Variants in SOX6 observed in about 807,000 individuals in gnomAD.
SOX6 encodes the protein SRY-box transcription factor 6, also known as transcription factor SOX-6.
A neutral mutation model predicts 97.8 loss-of-function variants in SOX6; 11 were observed. The ratio of observed to expected loss-of-function variants is 0.11; its 90% confidence interval spans 0.07 to 0.19. The LOEUF is 0.19. Among genes scored for constraint, SOX6 ranks in the 10% least tolerant of loss-of-function variants. The pLI, the probability that SOX6 is intolerant of heterozygous loss-of-function variation, is 1.00. For missense variants in SOX6, 810 were observed against 1,039.5 expected (o/e 0.78, Z 3.04); for synonymous variants, 360 against 371.4 (o/e 0.97, Z 0.35).
intron 3 of SOX6, among the ~76,000 whole-genome samples, chr11:16,635,170 G>T (rs1039955205): frequency 6.6e-6 from 1 of 152,164 alleles, no homozygotes; most frequent in Non-Finnish European, 1.5e-5. Flanking sequence ...CAAAAACGTG[G>T]AAGCAACTTC....
chr11:16,336,523 T>G (rs2134332847), intron 2 of SOX6, among the ~76,000 whole-genome samples: 1 of 152,292 alleles, frequency 6.6e-6, no homozygotes, highest in South Asian at 2.1e-4. Context: ...TCAATCAAAC[T>G]CTCACCTGCA....
At chr11:16,070,431 G>C (rs1848196772) in intron 9 of SOX6, among the ~76,000 whole-genome samples, 1 of 152,130 alleles carries the variant, frequency 6.6e-6, no homozygotes, top group South Asian at 2.1e-4. Flanking sequence ...TGTTACAAAA[G>C]TAAGCTGGAA....
At chr11:16,132,582 T>G (rs12575408) in intron 6 of SOX6, among the ~76,000 whole-genome samples, 9,274 of 146,132 alleles carry the variant, frequency 0.063, 942 homozygotes, top group East Asian at 0.33. Flanking sequence ...AGGTGGGTAC[T>G]TATTAACATC....
At chr11:16,106,343 CAT>C (rs34425335) in intron 7 of SOX6, among the ~76,000 whole-genome samples, 78,190 of 150,314 alleles carry the variant, frequency 0.52, 20,425 homozygotes, top group Admixed American at 0.61. Context: ...CATAAGGAGA[CAT>C]ATATATATAT....
intron 12 of SOX6, among the ~76,000 whole-genome samples, chr11:16,038,098 G>T (rs1855564085): frequency 6.6e-6 from 1 of 152,152 alleles, no homozygotes; most frequent in Non-Finnish European, 1.5e-5. Flanking sequence ...TAGCATTTAT[G>T]TTGTGTTAGG....
At chr11:16,074,935 G>T (rs1848316958) in intron 9 of SOX6, among the ~76,000 whole-genome samples, 1 of 152,032 alleles carries the variant, frequency 6.6e-6, no homozygotes, top group Non-Finnish European at 1.5e-5. Context: ...AAAATATAAA[G>T]GTGGAGGCAT....
At chr11:16,045,270 G>A (rs539822279) in intron 12 of SOX6, among the ~76,000 whole-genome samples, 44 of 152,182 alleles carry the variant, frequency 2.9e-4, no homozygotes, top group African/African-American at 9.9e-4. Flanking sequence ...CAATGTGATG[G>A]TCACTGGAGG....
chr11:16,108,546 G>C (rs1849154061), intron 7 of SOX6, among the ~76,000 whole-genome samples: 2 of 151,822 alleles, frequency 1.3e-5, no homozygotes, highest in South Asian at 4.2e-4. Context: ...CAATGTGAAA[G>C]AGCAAAGCAA....
At chr11:16,310,765 T>A (rs1042439769) in intron 3 of SOX6, among the ~76,000 whole-genome samples, 1 of 152,084 alleles carries the variant, frequency 6.6e-6, no homozygotes, top group African/African-American at 2.4e-5. Flanking sequence ...CAAATTTTCC[T>A]TTTAATGAGA....
chr11:16,261,571 G>T (rs1293838368), intron 3 of SOX6, among the ~76,000 whole-genome samples: 1 of 151,826 alleles, frequency 6.6e-6, no homozygotes, highest in East Asian at 1.9e-4. Flanking sequence ...AATTCTTCTG[G>T]GGTATATACT....
At position 16,068,871 on chromosome 11, in the gene SOX6, T is replaced by C. The variant is rs1848155515; in HGVS notation, c.1102-12970A>G. 2.0e-5 allele frequency among the ~76,000 whole-genome samples: 3 copies of C among 152,328 alleles called. No individual in the cohort carries two copies. The South Asian group carries it at 6.2e-4, about 32-fold the overall frequency. ...GAATTTCTTTTTTCTTCCCATATTT[T>C]TTTCTCCCACCAAATTCTGAGTTCG... On this transcript the variant is annotated intron_variant, in intron 9 of 15. Transcript: ENST00000683767.
intron 1 of SOX6, among the ~76,000 whole-genome samples, chr11:16,420,390 A>G (rs1447955385): frequency 6.6e-6 from 1 of 152,166 alleles, no homozygotes; most frequent in African/African-American, 2.4e-5. Context: ...CATTTTCCAA[A>G]GGGAGGTCTA....
At chr11:16,452,975 T>G (rs1282499964) in intron 1 of SOX6, among the ~76,000 whole-genome samples, 1 of 152,178 alleles carries the variant, frequency 6.6e-6, no homozygotes, top group Non-Finnish European at 1.5e-5. Context: ...ACAGGGATGC[T>G]CCACAGCAGG....
intron 2 of SOX6, among the ~76,000 whole-genome samples, chr11:16,328,273 T>TATTAAAAATTA (rs1856164099): frequency 6.6e-6 from 1 of 152,192 alleles, no homozygotes; most frequent in African/African-American, 2.4e-5. Flanking sequence ...ATATTCTCCT[T>TATTAAAAATTA]CATTAAAAAT....
At chr11:16,455,289 A>G (rs903073490) in intron 1 of SOX6, among the ~76,000 whole-genome samples, 1 of 152,048 alleles carries the variant, frequency 6.6e-6, no homozygotes, top group Admixed American at 6.6e-5. Context: ...ATTTTTTTAA[A>G]TATTTTAAAA....
chr11:16,036,798 A>C (rs1009765410), intron 12 of SOX6, among the ~76,000 whole-genome samples: 3 of 152,182 alleles, frequency 2.0e-5, no homozygotes. Context: ...ACAGTAAAAC[A>C]ACACAGTGTG....
Position 16,260,805 on chromosome 11 carries a change from T to C in SOX6, c.446-26134A>G, listed in dbSNP as rs72867995. On this transcript the variant is annotated intron_variant, in intron 3 of 15. Transcript: ENST00000683767. The stretch of plus-strand genomic sequence containing the variant: ...AGAATAAAACCCAAAATCCTTCATA[T>C]AGCTTAAAAGGTCCCCCATGTTCTG... 7.8e-3 allele frequency among the ~76,000 whole-genome samples: 1,193 copies of C among 152,276 alleles called. 14 individuals are homozygous for C. Among genetic ancestry groups the C allele is most frequent in the Non-Finnish European group, 0.01 (710 of 68,010 alleles).
chr11:16,631,552 T>C (rs554643773), intron 3 of SOX6, among the ~76,000 whole-genome samples: 35 of 152,342 alleles, frequency 2.3e-4, no homozygotes, highest in African/African-American at 7.9e-4. Flanking sequence ...GGTGACAATA[T>C]GCCTTGGTAA....
At chr11:16,089,975 C>T (rs760637677) in intron 9 of SOX6, among the ~76,000 whole-genome samples, 1 of 152,012 alleles carries the variant, frequency 6.6e-6, no homozygotes, top group South Asian at 2.1e-4. Flanking sequence ...TCTCAGAATT[C>T]CAACGTAGCT....
Sources: gnomAD v4.1 joint callset for allele counts (sites outside exome capture counted in the v4.1 genomes callset) on GRCh38, gnomAD v4.1.1 for gene constraint, MANE v1.5 for transcripts, NCBI Gene and HGNC (gene_info 2026-07-23, HGNC 2026-07-21) for gene names.